CAMK2D: variants seen among roughly 807,000 people sequenced by gnomAD.
CAMK2D encodes calcium/calmodulin-dependent protein kinase type II subunit delta.
In CAMK2D, 37 loss-of-function variants were observed where a neutral mutation model predicts 84.0. The ratio of observed to expected loss-of-function variants is 0.44; its 90% CI spans 0.34 to 0.58. The LOEUF is 0.58. Ranked by LOEUF, CAMK2D falls within the 20% of genes least tolerant of loss-of-function variation. The pLI, the probability that CAMK2D is intolerant of heterozygous loss-of-function variation, is 0.02. For missense variants in CAMK2D, 448 were observed against 652.5 expected, an observed-to-expected ratio of 0.69 and a Z score of 3.41; for synonymous variants, 202 against 212.5, an observed-to-expected ratio of 0.95 and a Z score of 0.43.
chr4:113,496,759 T>C (rs2097939678), intron 16 of CAMK2D, among the ~76,000 whole-genome samples: 1 of 152,190 alleles, frequency 6.6e-6, no homozygotes, highest in Non-Finnish European at 1.5e-5. Flanking sequence ...TCCCATTTGC[T>C]TTTAAACTAT....
chr4:113,522,773 C>T (rs1437327145), intron 8 of CAMK2D, among the ~76,000 whole-genome samples: 1 of 152,286 alleles, frequency 6.6e-6, no homozygotes, highest in Admixed American at 6.5e-5. Flanking sequence ...AAATTACTTG[C>T]TAATAAATTA....
At chr4:113,572,397 GTATT>G (rs1314582058) in intron 4 of CAMK2D, among the ~76,000 whole-genome samples, 1 of 151,728 alleles carries the variant, frequency 6.6e-6, no homozygotes, top group African/African-American at 2.4e-5. Flanking sequence ...GATGCTTAAA[GTATT>G]TACTGGTGGC....
chr4:113,727,485 A>G (rs942480788), intron 2 of CAMK2D, among the ~76,000 whole-genome samples: 1 of 152,162 alleles, frequency 6.6e-6, no homozygotes, highest in Non-Finnish European at 1.5e-5. Context: ...AAAAAAAAGA[A>G]CTTTGCTCTT....
intron 12 of CAMK2D, among the ~76,000 whole-genome samples, chr4:113,512,721 C>T (rs532930333): frequency 9.2e-5 from 14 of 152,248 alleles, no homozygotes; most frequent in South Asian, 4.1e-4. Context: ...AACAGGCACG[C>T]GCCACCACAC....
At chr4:113,573,572 A>G (rs758404790) in intron 4 of CAMK2D, among the ~76,000 whole-genome samples, 3 of 152,250 alleles carry the variant, frequency 2.0e-5, no homozygotes, top group Non-Finnish European at 4.4e-5. Flanking sequence ...TGGGTGCAAC[A>G]GTTAATTGAA....
intron 3 of CAMK2D, among the ~76,000 whole-genome samples, chr4:113,611,887 T>C (rs2099001880): frequency 1.3e-5 from 2 of 152,178 alleles, no homozygotes; most frequent in South Asian, 4.1e-4. Context: ...TAACCAGCCA[T>C]TTGACCATGC....
intron 2 of CAMK2D, among the ~76,000 whole-genome samples, chr4:113,731,050 T>C (rs1202018295): frequency 6.6e-6 from 1 of 152,212 alleles, no homozygotes; most frequent in African/African-American, 2.4e-5. Flanking sequence ...CAGATTTTAT[T>C]TGTCATTCAT....
At chr4:113,614,530 C>T (rs889444805) in intron 3 of CAMK2D, among the ~76,000 whole-genome samples, 2 of 152,032 alleles carry the variant, frequency 1.3e-5, no homozygotes, top group African/African-American at 2.4e-5. Context: ...AGATCAGGTT[C>T]GATTGGAAGA....
intron 4 of CAMK2D, among the ~76,000 whole-genome samples, chr4:113,577,716 A>G (rs752718533): frequency 2.7e-5 from 4 of 148,678 alleles, no homozygotes; most frequent in Non-Finnish European, 5.9e-5. Context: ...TCTTTGGCTC[A>G]TTTGTGTTAC....
At chr4:113,698,232 T>C (rs12508566) in intron 2 of CAMK2D, among the ~76,000 whole-genome samples, 108,240 of 152,002 alleles carry the variant, frequency 0.71, 39,336 homozygotes, top group African/African-American at 0.85. Context: ...ACAGTTTCTA[T>C]TCAATGTGTA....
chr4:113,583,429 A>C (rs1024214108), intron 4 of CAMK2D, among the ~76,000 whole-genome samples: 3 of 152,222 alleles, frequency 2.0e-5, no homozygotes, highest in African/African-American at 7.2e-5. Context: ...TAAAAGGTTA[A>C]AGTTCCAATT....
In CAMK2D at chr4:113,760,921, A is replaced by T. The variant is rs991898809; in HGVS notation, c.65+83T>A. On this transcript the variant is annotated intron_variant, in intron 1 of 20. Coordinates refer to ENST00000511664, the MANE Select transcript of CAMK2D (RefSeq NM_001321571.2). ...TCCTCTCCCAAACTCCCTCGCCCCA[A>T]GACGGAGGCCGGTGGGTCGGGGGCA... The T allele has an allele frequency of 2.6e-5, 41 of 1,569,716 alleles. No individual in the cohort carries two copies. The East Asian group carries it at 7.4e-4, about 28-fold the overall frequency.
At chr4:113,514,137 G>T (rs112945704) in intron 10 of CAMK2D, among the ~76,000 whole-genome samples, 1 of 152,290 alleles carries the variant, frequency 6.6e-6, no homozygotes, top group African/African-American at 2.4e-5. Context: ...GAAATGGGCC[G>T]GGCGCGGTGG....
chr4:113,703,567 C>A (rs1012520613), intron 2 of CAMK2D, among the ~76,000 whole-genome samples: 11 of 152,170 alleles, frequency 7.2e-5, no homozygotes, highest in African/African-American at 2.7e-4. Context: ...AAGCAATCCT[C>A]CAGCCTTGGC....
At chr4:113,642,353 T>A (rs1227336462) in intron 3 of CAMK2D, among the ~76,000 whole-genome samples, 1 of 152,236 alleles carries the variant, frequency 6.6e-6, no homozygotes, top group African/African-American at 2.4e-5. Context: ...CTATAAGTTA[T>A]AATCTTAGTA....
At chr4:113,465,501 G>GA in intron 17 of CAMK2D, 28 bp downstream of exon 17, 1 of 1,387,520 alleles carries the variant, frequency 7.2e-7, no homozygotes, top group South Asian at 1.2e-5. Flanking sequence ...CCATATGCAT[G>GA]AAAGCAAAGT....
intron 3 of CAMK2D, among the ~76,000 whole-genome samples, chr4:113,643,893 G>A (rs2099141715): frequency 6.6e-6 from 1 of 152,156 alleles, no homozygotes; most frequent in African/African-American, 2.4e-5. Flanking sequence ...TATTTATGGG[G>A]ACCCAGGCCA....
At chr4:113,508,354 A>AT in intron 13 of CAMK2D, 2 of 1,018,724 alleles carry the variant, frequency 2.0e-6, no homozygotes, top group Non-Finnish European at 3.0e-6. Flanking sequence ...GTATAGAATA[A>AT]TTTTGTTTTT....
intron 2 of CAMK2D, among the ~76,000 whole-genome samples, chr4:113,757,257 A>C (rs1203369389): frequency 6.6e-6 from 1 of 152,172 alleles, no homozygotes; most frequent in Non-Finnish European, 1.5e-5. Flanking sequence ...ATTTTATTAG[A>C]TAATAATAGC....
Sources: gnomAD v4.1 joint callset for allele counts (sites outside exome capture counted in the v4.1 genomes callset) on GRCh38, gnomAD v4.1.1 for gene constraint, MANE v1.5 for transcripts, NCBI Gene and HGNC (gene_info 2026-07-23, HGNC 2026-07-21) for gene names.